AKT3: variants seen among roughly 807,000 people sequenced by gnomAD.
The protein encoded by AKT3 is RAC-gamma serine/threonine-protein kinase.
AKT3 carries 15 observed loss-of-function variants against 65.3 expected under a neutral mutation model. That is an observed-to-expected ratio of 0.23 (90% CI 0.15 to 0.35). The LOEUF is 0.35. Among genes scored for constraint, AKT3 ranks in the 10% least tolerant of loss-of-function variants. The probability of loss-of-function intolerance (pLI) is 1.00; values close to 1 mark genes in which losing one functional copy is unlikely to be tolerated. For synonymous variants in AKT3, 206 were observed against 183.8 expected (o/e 1.12, Z -0.98); for missense variants, 243 against 576.5 (o/e 0.42, Z 5.92).
intron 12 of AKT3, among the ~76,000 whole-genome samples, chr1:243,542,449 T>C (rs1300629192): frequency 6.6e-6 from 1 of 152,142 alleles, no homozygotes; most frequent in African/African-American, 2.4e-5. Flanking sequence ...GAGATTCAGA[T>C]CTCCTCAACA....
intron 8 of AKT3, among the ~76,000 whole-genome samples, chr1:243,591,580 TAG>T (rs1302414885): frequency 3.3e-5 from 5 of 151,934 alleles, no homozygotes; most frequent in Non-Finnish European, 1.5e-5. Flanking sequence ...AATCAATGAA[TAG>T]AAACAGACTG....
chr1:243,690,957 A>C (rs1684651166), intron 3 of AKT3, among the ~76,000 whole-genome samples: 1 of 152,238 alleles, frequency 6.6e-6, no homozygotes, highest in African/African-American at 2.4e-5. Context: ...TAAGATAAAT[A>C]AGACTAAGCT....
chr1:243,711,964 C>T (rs1034452519), intron 2 of AKT3, among the ~76,000 whole-genome samples: 21 of 152,298 alleles, frequency 1.4e-4, no homozygotes, highest in African/African-American at 5.1e-4. Flanking sequence ...CATAGACCTG[C>T]AAGTTTGCTT....
intron 8 of AKT3, among the ~76,000 whole-genome samples, chr1:243,590,412 A>T (rs888733570): frequency 1.3e-5 from 2 of 152,174 alleles, no homozygotes; most frequent in African/African-American, 2.4e-5. Flanking sequence ...GAAATAAATT[A>T]AAAAAAGAAA....
At chr1:243,660,681 G>A (rs977318176) in intron 4 of AKT3, among the ~76,000 whole-genome samples, 48 of 152,240 alleles carry the variant, frequency 3.2e-4, no homozygotes, top group Middle Eastern at 6.8e-3. Flanking sequence ...CACCACTCCT[G>A]TTCAACATAG....
intron 2 of AKT3, among the ~76,000 whole-genome samples, chr1:243,816,060 T>C (rs1216058444): frequency 6.6e-6 from 1 of 152,132 alleles, no homozygotes. Context: ...TTGCAGACAA[T>C]ATGTTAGCCA....
At chr1:243,659,747 T>G (rs1201121278) in intron 4 of AKT3, among the ~76,000 whole-genome samples, 1 of 152,174 alleles carries the variant, frequency 6.6e-6, no homozygotes, top group Admixed American at 6.5e-5. Context: ...AGGTGAGAGA[T>G]ATACAGATTT....
chr1:243,652,509 G>C (rs1167335332), intron 4 of AKT3, among the ~76,000 whole-genome samples: 1 of 151,994 alleles, frequency 6.6e-6, no homozygotes, highest in Non-Finnish European at 1.5e-5. Flanking sequence ...AAATTGAAAA[G>C]ACCATCAACA....
intron 3 of AKT3, among the ~76,000 whole-genome samples, chr1:243,682,841 A>C (rs1288608449): frequency 2.6e-5 from 4 of 152,184 alleles, no homozygotes; most frequent in Non-Finnish European, 5.9e-5. Flanking sequence ...CTATTTCTCC[A>C]AACAATCTCA....
chr1:243,570,585 A>G (rs1674485842), intron 9 of AKT3, among the ~76,000 whole-genome samples: 1 of 152,206 alleles, frequency 6.6e-6, no homozygotes, highest in Non-Finnish European at 1.5e-5. Flanking sequence ...CATTACTTTT[A>G]GTAAGTCATT....
chr1:243,696,139 T>C (rs1279262404), intron 2 of AKT3, among the ~76,000 whole-genome samples: 3 of 151,812 alleles, frequency 2.0e-5, no homozygotes, highest in Non-Finnish European at 3.0e-5. Flanking sequence ...CTTCCACTAA[T>C]TGTGTCTTTT....
chr1:243,521,398 C>T (rs527658231), intron 12 of AKT3, among the ~76,000 whole-genome samples: 1 of 152,274 alleles, frequency 6.6e-6, no homozygotes, highest in African/African-American at 2.4e-5. Context: ...TTAATCTCTA[C>T]TAAATACTGG....
intron 3 of AKT3, among the ~76,000 whole-genome samples, chr1:243,689,884 A>AT (rs1282607082): frequency 5.3e-5 from 8 of 152,086 alleles, no homozygotes; most frequent in African/African-American, 1.9e-4. Flanking sequence ...GATTGAGGCT[A>AT]CAGAGAGCTG....
Position 243,500,166 on chromosome 1 carries a change from G to A in AKT3, c.*5083C>T. On this transcript the variant is annotated 3_prime_UTR_variant, in exon 14 of 14. Coordinates refer to ENST00000673466, the MANE Select transcript of AKT3 (RefSeq NM_005465.7). ...CCAAAAAGGCACATATTTTAACTAG[G>A]CCAAAGTATATTAAGGACCAAACTT... 1 of 285,482 alleles carries A rather than the reference G, an allele frequency of 3.5e-6. No individual in the cohort carries two copies. Among genetic ancestry groups the A allele is most frequent in the Admixed American group, 4.7e-5 (1 of 21,486 alleles). 17.7% of individuals were successfully genotyped at this position (285,482 alleles called of 1,614,324 possible). A position where few individuals can be genotyped will look rare whatever the true frequency, so the allele number is the denominator to read the frequency against.
At chr1:243,788,243 CAT>C (rs1691389330) in intron 2 of AKT3, among the ~76,000 whole-genome samples, 2 of 152,046 alleles carry the variant, frequency 1.3e-5, no homozygotes, top group South Asian at 4.1e-4. Flanking sequence ...TGGAACAAAA[CAT>C]AGGAAAAAAA....
At chr1:243,695,829 G>T (rs577195690) in intron 2 of AKT3, 113 bp from the exon 3 acceptor site, 1 of 889,272 alleles carries the variant, frequency 1.1e-6, no homozygotes, top group Non-Finnish European at 1.5e-6. Context: ...CAAAAATTTA[G>T]TTACTCAATT....
chr1:243,544,827 C>T (rs1293138739), intron 12 of AKT3, among the ~76,000 whole-genome samples: 1 of 151,414 alleles, frequency 6.6e-6, no homozygotes, highest in African/African-American at 2.4e-5. Context: ...CCTGCCTTAG[C>T]AGCCTTCTTA....
chr1:243,542,233 A>G (rs147961746), intron 12 of AKT3, among the ~76,000 whole-genome samples: 2 of 152,356 alleles, frequency 1.3e-5, no homozygotes, highest in African/African-American at 4.8e-5. Context: ...ACACCCTGCT[A>G]GAGAATCTTA....
intron 2 of AKT3, among the ~76,000 whole-genome samples, chr1:243,797,287 T>A (rs561527428): frequency 6.6e-6 from 1 of 152,218 alleles, no homozygotes; most frequent in East Asian, 1.9e-4. Context: ...CTGGCACATA[T>A]CATGGTATAC....
Sources: gnomAD v4.1 joint callset for allele counts (sites outside exome capture counted in the v4.1 genomes callset) on GRCh38, gnomAD v4.1.1 for gene constraint, MANE v1.5 for transcripts, NCBI Gene and HGNC (gene_info 2026-07-23, HGNC 2026-07-21) for gene names.